DLG2: variants seen among roughly 807,000 people sequenced by gnomAD.
DLG2 encodes the protein disks large homolog 2.
In DLG2, 45 loss-of-function variants were observed where a neutral mutation model predicts 132.5. The observed-to-expected ratio is 0.34, with a 90% confidence interval of 0.27 to 0.44. DLG2 has a LOEUF of 0.44. DLG2 is among the 20% of genes least tolerant of loss of function. The pLI, the probability that DLG2 is intolerant of heterozygous loss-of-function variation, is 1.00. For missense variants in DLG2, 1,045 were observed against 1,196.9 expected (o/e 0.87, Z 1.87); for synonymous variants, 424 against 419.6 (o/e 1.01, Z -0.13).
At chr11:84,208,898 G>A (rs1044429742) in intron 8 of DLG2, among the ~76,000 whole-genome samples, 3 of 152,100 alleles carry the variant, frequency 2.0e-5, no homozygotes, top group South Asian at 2.1e-4. Flanking sequence ...GGAAGTAACC[G>A]ATAAGCAGAA....
chr11:84,369,317 T>C (rs2098696914), intron 7 of DLG2, among the ~76,000 whole-genome samples: 2 of 152,124 alleles, frequency 1.3e-5, no homozygotes, highest in South Asian at 2.1e-4. Context: ...TGTGCTACTC[T>C]GTCTCTTCAA....
At chr11:84,098,822 T>C in intron 10 of DLG2, 101 bp downstream of exon 10, 1 of 1,378,230 alleles carries the variant, frequency 7.3e-7, no homozygotes, top group Non-Finnish European at 9.9e-7. Context: ...CTCTTTCAAG[T>C]ACAGAACTTT....
intron 3 of DLG2, among the ~76,000 whole-genome samples, chr11:85,448,093 T>C (rs1236239855): frequency 1.3e-5 from 2 of 152,144 alleles, no homozygotes; most frequent in Non-Finnish European, 2.9e-5. Flanking sequence ...AAGAAACTCA[T>C]AGTTTGACTC....
chr11:84,364,792 C>T (rs182142081), intron 7 of DLG2, among the ~76,000 whole-genome samples: 7,994 of 151,902 alleles, frequency 0.053, 699 homozygotes, highest in African/African-American at 0.18. Context: ...TCTTTGGTTC[C>T]GTTTATATGC....
chr11:84,076,956 C>T (rs549129651), intron 10 of DLG2, among the ~76,000 whole-genome samples: 1 of 152,308 alleles, frequency 6.6e-6, no homozygotes, highest in African/African-American at 2.4e-5. Context: ...ATTCCTATTA[C>T]AGTGGAGCAA....
intron 7 of DLG2, among the ~76,000 whole-genome samples, chr11:84,432,277 T>C (rs910131557): frequency 1.3e-5 from 2 of 152,144 alleles, no homozygotes; most frequent in South Asian, 2.1e-4. Context: ...CATGGGCCAT[T>C]TAGGGATTTG....
chr11:85,478,315 C>G (rs1028188827), intron 3 of DLG2, among the ~76,000 whole-genome samples: 5 of 152,044 alleles, frequency 3.3e-5, no homozygotes. Context: ...AGCCACTGCA[C>G]CTGGACCCAA....
At chr11:84,537,730 T>C (rs1455711517) in intron 6 of DLG2, among the ~76,000 whole-genome samples, 1 of 152,234 alleles carries the variant, frequency 6.6e-6, no homozygotes, top group African/African-American at 2.4e-5. Flanking sequence ...TGGGACCACA[T>C]TGGTATTGTT....
At chr11:85,532,427 G>A (rs1048469948) in intron 3 of DLG2, among the ~76,000 whole-genome samples, 3 of 152,198 alleles carry the variant, frequency 2.0e-5, no homozygotes, top group Non-Finnish European at 4.4e-5. Context: ...CAGATCACCT[G>A]CTGCTATCCT....
At chr11:83,971,124 C>T (rs368997439) in intron 12 of DLG2, among the ~76,000 whole-genome samples, 1 of 151,790 alleles carries the variant, frequency 6.6e-6, no homozygotes, top group African/African-American at 2.4e-5. Context: ...CTTTTTTATT[C>T]TTTTTTTTCT....
At chr11:85,194,649 G>A (rs1200085333) in intron 4 of DLG2, among the ~76,000 whole-genome samples, 1 of 151,306 alleles carries the variant, frequency 6.6e-6, no homozygotes. Context: ...AAAGAGTATG[G>A]GAGGATTGTG....
intron 9 of DLG2, among the ~76,000 whole-genome samples, chr11:84,145,765 G>A (rs756962247): frequency 6.6e-6 from 1 of 152,124 alleles, no homozygotes; most frequent in Admixed American, 6.6e-5. Context: ...TAACTCAGCT[G>A]AGCACTTACA....
At chr11:83,499,222 G>C (rs779268935) in intron 21 of DLG2, among the ~76,000 whole-genome samples, 4 of 152,094 alleles carry the variant, frequency 2.6e-5, no homozygotes, top group Non-Finnish European at 5.9e-5. Context: ...GTATTACCTA[G>C]ATACCAAAAT....
At chr11:85,179,572 C>T (rs2079552887) in intron 4 of DLG2, among the ~76,000 whole-genome samples, 1 of 151,468 alleles carries the variant, frequency 6.6e-6, no homozygotes, top group African/African-American at 2.4e-5. Context: ...AATTAAAGAA[C>T]AGAAGACAAT....
At chr11:85,130,693 G>A (rs2075629327) in intron 5 of DLG2, among the ~76,000 whole-genome samples, 2 of 152,174 alleles carry the variant, frequency 1.3e-5, no homozygotes, top group Admixed American at 1.3e-4. Context: ...ATAAGGAGAT[G>A]AGTATTAAAC....
chr11:84,071,775 C>T (rs547198936), intron 10 of DLG2, among the ~76,000 whole-genome samples: 1 of 152,224 alleles, frequency 6.6e-6, no homozygotes, highest in Non-Finnish European at 1.5e-5. Flanking sequence ...AGCAAAGAAG[C>T]CCTTTATTAA....
intron 11 of DLG2, among the ~76,000 whole-genome samples, chr11:83,984,956 C>T (rs1008809515): frequency 6.6e-6 from 1 of 152,050 alleles, no homozygotes; most frequent in Non-Finnish European, 1.5e-5. Context: ...TATTTTTTAT[C>T]CATTGACCAG....
chr11:85,495,982 C>T (rs572212440), intron 3 of DLG2, among the ~76,000 whole-genome samples: 35 of 152,208 alleles, frequency 2.3e-4, no homozygotes, highest in African/African-American at 4.6e-4. Context: ...CCAGTGAGAT[C>T]GACGCAGAAG....
intron 3 of DLG2, among the ~76,000 whole-genome samples, chr11:85,485,405 A>C (rs941745872): frequency 6.6e-6 from 1 of 152,246 alleles, no homozygotes; most frequent in Non-Finnish European, 1.5e-5. Flanking sequence ...TTGTGACATC[A>C]AAAATTTAAA....
Sources: gnomAD v4.1 joint callset for allele counts (sites outside exome capture counted in the v4.1 genomes callset) on GRCh38, gnomAD v4.1.1 for gene constraint, MANE v1.5 for transcripts, NCBI Gene and HGNC (gene_info 2026-07-23, HGNC 2026-07-21) for gene names.